Variants in WDPCP observed in about 807,000 individuals in gnomAD.
The protein encoded by WDPCP is WD repeat containing planar cell polarity effector.
In WDPCP, 71 loss-of-function variants were observed where a neutral mutation model predicts 93.1. The observed-to-expected ratio is 0.76, with a 90% CI of 0.63 to 0.93. The LOEUF is 0.93. WDPCP is among the 40% of genes least tolerant of loss of function. The pLI is 0.00. For synonymous variants in WDPCP, 315 were observed against 315.0 expected, an observed-to-expected ratio of 1.00 and a Z score of 0.00; for missense variants, 844 against 887.4, an observed-to-expected ratio of 0.95 and a Z score of 0.62.
At chr2:63,726,774 T>C (rs1669502130) in intron 2 of WDPCP, among the ~76,000 whole-genome samples, 1 of 152,192 alleles carries the variant, frequency 6.6e-6, no homozygotes, top group Admixed American at 6.5e-5. Context: ...GTTAGCTATA[T>C]GTATTCCTAG....
At chr2:63,375,899 G>A (rs1433722669) in intron 12 of WDPCP, among the ~76,000 whole-genome samples, 1 of 151,804 alleles carries the variant, frequency 6.6e-6, no homozygotes, top group Non-Finnish European at 1.5e-5. Flanking sequence ...TCTCTGTGGG[G>A]CAACTTTTCC....
At chr2:63,540,093 C>G (rs1429032460) in intron 1 of WDPCP, among the ~76,000 whole-genome samples, 1 of 152,120 alleles carries the variant, frequency 6.6e-6, no homozygotes, top group Non-Finnish European at 1.5e-5. Flanking sequence ...TTAAAGGTGA[C>G]TTAAAGATGC....
intron 14 of WDPCP, among the ~76,000 whole-genome samples, chr2:63,222,157 ATAT>A (rs1677894223): frequency 6.6e-6 from 1 of 152,196 alleles, no homozygotes; most frequent in Non-Finnish European, 1.5e-5. Flanking sequence ...ATCTCTCTAT[ATAT>A]ATGTTTACTC....
At chr2:63,659,589 T>C (rs573232312) in intron 2 of WDPCP, among the ~76,000 whole-genome samples, 1 of 152,298 alleles carries the variant, frequency 6.6e-6, no homozygotes, top group Admixed American at 6.5e-5. Flanking sequence ...CACTAGAAGC[T>C]GGAAGAAGCA....
intron 12 of WDPCP, among the ~76,000 whole-genome samples, chr2:63,350,282 G>C (rs901043914): frequency 9.9e-5 from 15 of 152,116 alleles, no homozygotes; most frequent in African/African-American, 3.4e-4. Context: ...CCACACCGGG[G>C]CATGTCGGAG....
chr2:63,575,384 TACAC>T (rs1480338774), intron 1 of WDPCP, among the ~76,000 whole-genome samples: 1 of 128,282 alleles, frequency 7.8e-6, no homozygotes, highest in African/African-American at 2.9e-5. Context: ...ATACAGTATA[TACAC>T]GGTATATACA....
intron 9 of WDPCP, among the ~76,000 whole-genome samples, chr2:63,407,277 A>G (rs1427543652): frequency 6.6e-6 from 1 of 152,174 alleles, no homozygotes; most frequent in Non-Finnish European, 1.5e-5. Flanking sequence ...TGGCCAGATC[A>G]AGGAGACTAA....
intron 2 of WDPCP, among the ~76,000 whole-genome samples, chr2:63,726,597 T>C (rs577134143): frequency 1.3e-5 from 2 of 152,342 alleles, no homozygotes; most frequent in South Asian, 2.1e-4. Flanking sequence ...AGTAGTTTGA[T>C]AGGAACAGCA....
At chr2:63,246,490 A>G (rs1680284392) in intron 14 of WDPCP, among the ~76,000 whole-genome samples, 1 of 152,216 alleles carries the variant, frequency 6.6e-6, no homozygotes, top group Non-Finnish European at 1.5e-5. Context: ...GGGTATCCTT[A>G]GATCAATGAA....
At chr2:63,645,228 G>A (rs946643422) in intron 3 of WDPCP, among the ~76,000 whole-genome samples, 2 of 152,028 alleles carry the variant, frequency 1.3e-5, no homozygotes, top group Non-Finnish European at 2.9e-5. Flanking sequence ...CTCAAGAAAT[G>A]CTTTATTTTC....
At chr2:63,617,406 C>T (rs1394042204) in intron 3 of WDPCP, among the ~76,000 whole-genome samples, 1 of 152,160 alleles carries the variant, frequency 6.6e-6, no homozygotes, top group African/African-American at 2.4e-5. Flanking sequence ...CTTCTAGGTT[C>T]TGTGGCTGGT....
chr2:63,527,932 T>G (rs2106208638), intron 1 of WDPCP, among the ~76,000 whole-genome samples: 1 of 152,236 alleles, frequency 6.6e-6, no homozygotes, highest in East Asian at 1.9e-4. Context: ...TGAGATGGTA[T>G]CTCATTGTGG....
chr2:63,307,592 A>G (rs925677413), intron 13 of WDPCP, among the ~76,000 whole-genome samples: 5 of 152,162 alleles, frequency 3.3e-5, no homozygotes, highest in East Asian at 1.9e-4. Context: ...CACATCTACA[A>G]TCATTTGATC....
intron 3 of WDPCP, among the ~76,000 whole-genome samples, chr2:63,623,326 C>G (rs2106634014): frequency 6.6e-6 from 1 of 152,234 alleles, no homozygotes; most frequent in South Asian, 2.1e-4. Flanking sequence ...CAAATTCACA[C>G]AAAACAATAT....
intron 1 of WDPCP, among the ~76,000 whole-genome samples, chr2:63,527,682 G>A (rs1424410982): frequency 3.3e-5 from 5 of 152,024 alleles, no homozygotes; most frequent in African/African-American, 7.3e-5. Context: ...GTAAACATAC[G>A]TGTGCATGTG....
chr2:63,535,426 G>A (rs938919209), intron 1 of WDPCP, among the ~76,000 whole-genome samples: 6 of 152,070 alleles, frequency 3.9e-5, no homozygotes, highest in African/African-American at 7.2e-5. Context: ...CAAAAGAACA[G>A]AGCTGGAGGC....
intron 12 of WDPCP, among the ~76,000 whole-genome samples, chr2:63,343,211 T>C (rs1432925317): frequency 6.6e-6 from 1 of 152,142 alleles, no homozygotes; most frequent in Non-Finnish European, 1.5e-5. Flanking sequence ...TTTTGCCATG[T>C]TGGCCAGGCT....
At chr2:63,575,467 G>GTATATACAGCGTATGCACTGTATATA (rs1558832897) in intron 1 of WDPCP, among the ~76,000 whole-genome samples, 1 of 6,842 alleles carries the variant, frequency 1.5e-4, no homozygotes, top group Non-Finnish European at 2.5e-4. Context: ...CAGTATATAT[G>GTATATACAGCGTATGCACTGTATATA]CAGTATATAC....
chr2:63,126,580 C>T (rs1669916290), intron 17 of WDPCP, among the ~76,000 whole-genome samples: 1 of 151,798 alleles, frequency 6.6e-6, no homozygotes, highest in African/African-American at 2.4e-5. Context: ...TTGCCTTTGC[C>T]TTCCCAAATT....
Sources: gnomAD v4.1 joint callset for allele counts (sites outside exome capture counted in the v4.1 genomes callset) on GRCh38, gnomAD v4.1.1 for gene constraint, MANE v1.5 for transcripts, NCBI Gene and HGNC (gene_info 2026-07-23, HGNC 2026-07-21) for gene names.